Variants in SMO observed in about 807,000 individuals in gnomAD.
The protein encoded by SMO is protein smoothened.
SMO carries 40 observed loss-of-function variants against 81.6 expected under a neutral mutation model. The ratio of observed to expected loss-of-function variants is 0.49; its 90% CI spans 0.38 to 0.64. SMO has a LOEUF of 0.64. Ranked by LOEUF, SMO falls within the 30% of genes least tolerant of loss-of-function variation. SMO has a pLI of 0.00. For synonymous variants in SMO, 434 were observed against 432.1 expected, an observed-to-expected ratio of 1.00 and a Z score of -0.05; for missense variants, 916 against 1,061.1, an observed-to-expected ratio of 0.86 and a Z score of 1.90.
At position 129,210,623 on chromosome 7, in the gene SMO, C is replaced by A. The variant is rs542003601; in HGVS notation, c.1652+75C>A. On this transcript the variant is annotated intron_variant, in intron 9 of 11. Transcript: ENST00000249373. This position sits in a 1 kb window ranked among gnomAD's most constrained non-coding sequence, Gnocchi z 4.7. The stretch of plus-strand genomic sequence containing the variant: ...TTGGGACCCCATCTTTAGGTTTTGT[C>A]GGGTCCTGCCTCTAGCACAGCCTTG... 10 of 1,217,634 alleles carry A rather than the reference C, an allele frequency of 8.2e-6. No individual in the cohort carries two copies. Among genetic ancestry groups the A allele is most frequent in the Middle Eastern group, 2.1e-4 (1 of 4,800 alleles). The allele number at this position is 1,217,634 out of a possible 1,614,324, so 75.4% of individuals were successfully genotyped here.
chr7:129,189,233 C>CG lies in SMO; in HGVS notation c.88dup (p.Ala30GlyfsTer106), dbSNP rs1247591045. On this transcript the variant is annotated frameshift_variant, in exon 1 of 12. Transcript: ENST00000249373. LOFTEE classifies it high-confidence loss of function. This position sits in a 1 kb window ranked among gnomAD's most constrained non-coding sequence, Gnocchi z 4.7. ...GCTGCTGCTGCTGGGGGACCCGGGCCGGGGGGCGGCCTCGAGCGGGAACGC... is the reference window on the plus strand; with the variant it reads ...GCTGCTGCTGCTGGGGGACCCGGGCCGGGGGGGCGGCCTCGAGCGGGAACGC... 1 of 1,190,556 alleles carries CG rather than the reference C, an allele frequency of 8.4e-7. No homozygotes were observed. Among genetic ancestry groups the CG allele is most frequent in the South Asian group, 3.9e-5 (1 of 25,578 alleles). The allele number at this position is 1,190,556 out of a possible 1,614,324, so 73.7% of individuals were successfully genotyped here. A position where few individuals can be genotyped will look rare whatever the true frequency, so the allele number is the denominator to read the frequency against.
Position 129,206,585 on chromosome 7 carries a change from G to C in SMO, c.1262G>C (p.Arg421Pro), listed in dbSNP as rs968935409. 1 of 1,614,148 alleles carries C rather than the reference G, an allele frequency of 6.2e-7. No homozygotes were observed. Among genetic ancestry groups the C allele is most frequent in the South Asian group, 1.1e-5 (1 of 91,072 alleles). ...ATCGTGGGAGGCTACTTCCTCATCC[G>C]AGGTGAGTGAAGACCAGGCCAGGAC... ...VLIVGGYFLI[R>P]GVMTLFSIKS... The change falls in exon 6 of 12, where the codon CGA becomes CCA. Residue 421 changes from arginine (R) to proline (P), a missense_variant and splice_region_variant. Physicochemically the swap from Arg to Pro is moderately radical, Grantham distance 103. This residue lies in a region of SMO where 436 missense variants were observed against 570.9 expected (regional missense o/e 0.76). Coordinates refer to ENST00000249373, the MANE Select transcript of SMO (RefSeq NM_005631.5). This position sits in a 1 kb window ranked among gnomAD's most constrained non-coding sequence, Gnocchi z 4.4.
chr7:129,212,420 C>T lies in SMO; in HGVS notation c.2333C>T (p.Thr778Ile), dbSNP rs756252266. Residue 778 changes from threonine to isoleucine, a missense_variant, in exon 12 of 12, where the codon ACA (threonine) becomes ATA (isoleucine). Physicochemically the swap from Thr to Ile is moderately conservative, Grantham distance 89. Around this residue, in one of 4 missense-constraint regions of SMO, gnomAD observed 324 missense variants for 312.9 expected, o/e 1.04. Coordinates refer to ENST00000249373, the MANE Select transcript of SMO (RefSeq NM_005631.5). The surrounding 1 kb of genome is among the most constrained non-coding windows in gnomAD (Gnocchi z 5.0). ...CACTCCCGCACCAACCTGATGGACACAGAACTCATGGATGCAGACTCGGAC... is the reference window on the plus strand; with the variant it reads ...CACTCCCGCACCAACCTGATGGACATAGAACTCATGGATGCAGACTCGGAC... ...PIHSRTNLMD[T>I]ELMDADSDF 7.4e-6 allele frequency: 12 copies of T among 1,613,480 alleles called. No individual in the cohort carries two copies. Among genetic ancestry groups the T allele is most frequent in the Non-Finnish European group, 1.0e-5 (12 of 1,179,660 alleles).
At chr7:129,204,682 A>T (rs1445622596) in intron 2 of SMO, among the ~76,000 whole-genome samples, 1 of 151,054 alleles carries the variant, frequency 6.6e-6, no homozygotes, top group African/African-American at 2.4e-5. Flanking sequence ...TTATTCATTT[A>T]ACCCTTAAAC....
At position 129,210,310 on chromosome 7, in the gene SMO, AAGAG is replaced by A; in HGVS notation, c.1467-48_1467-45del. On this transcript the variant is annotated intron_variant, in intron 8 of 11. Coordinates refer to ENST00000249373, the MANE Select transcript of SMO (RefSeq NM_005631.5). The surrounding 1 kb of genome is among the most constrained non-coding windows in gnomAD (Gnocchi z 4.7). ...ACAGAGCAAGATCCTATCTCAAAAA[AAGAG>A]AGAGGAAAAGAAAGGAAAGCCTCAC... is the stretch of plus-strand genomic sequence containing the variant. 2.0e-6 allele frequency: 3 copies of A among 1,470,300 alleles called. No individual in the cohort carries two copies. The highest frequency in any genetic ancestry group is 2.9e-6 in the Non-Finnish European group (3 of 1,051,934). 91.1% of individuals were successfully genotyped at this position (1,470,300 alleles called of 1,614,324 possible).
Position 129,206,354 on chromosome 7 carries a change from C to A in SMO, c.1125C>A (p.Ile375=), listed in dbSNP as rs1259349686. 1 of 1,614,190 alleles carries A rather than the reference C, an allele frequency of 6.2e-7. No homozygotes were observed. Among genetic ancestry groups the A allele is most frequent in the Non-Finnish European group, 8.5e-7 (1 of 1,180,024 alleles). Residue 375 remains isoleucine, a synonymous_variant, in exon 5 of 12, where the codon ATC becomes ATA. Coordinates refer to ENST00000249373, the MANE Select transcript of SMO (RefSeq NM_005631.5). The surrounding 1 kb of genome is among the most constrained non-coding windows in gnomAD (Gnocchi z 4.4). ...TCCCCTTTGTCCTCACTGTGGCAAT[C>A]CTTGCTGTGGCGCAGGTATAGTGAC... ...WSLPFVLTVA[I]LAVAQVDGDS...
chr7:129,201,877 C>T (rs1793676146), intron 1 of SMO, among the ~76,000 whole-genome samples: 4 of 152,026 alleles, frequency 2.6e-5, no homozygotes, highest in Non-Finnish European at 5.9e-5. Context: ...GACGGGGTTT[C>T]ACCTTGTTGG....
Position 129,203,433 on chromosome 7 carries a change from T to A in SMO, c.381T>A (p.Cys127Ter), listed in dbSNP as rs2150646560. The A allele has an allele frequency of 6.4e-7, 1 of 1,563,558 alleles. No individual in the cohort carries two copies. Among genetic ancestry groups the A allele is most frequent in the Non-Finnish European group, 8.7e-7 (1 of 1,153,496 alleles). ...GGGCAGTGATCCAGCCCCTGCTGTGTGCCGTATACATGCCCAAGTGTGAGA... is the reference window on the plus strand; with the variant it reads ...GGGCAGTGATCCAGCCCCTGCTGTGAGCCGTATACATGCCCAAGTGTGAGA... ...RCWAVIQPLL[C>*]AVYMPKCEND... Residue 127 changes from cysteine to a stop codon, truncating the protein, a stop_gained, in exon 2 of 12, where the codon TGT becomes TGA. Transcript: ENST00000249373. LOFTEE classifies it high-confidence loss of function.
Position 129,206,244 on chromosome 7 carries a change from TG to T in SMO, c.1017del (p.Trp339CysfsTer48). On this transcript the variant is annotated frameshift_variant, in exon 5 of 12. Coordinates refer to ENST00000249373, the MANE Select transcript of SMO (RefSeq NM_005631.5). LOFTEE classifies it high-confidence loss of function. This position sits in a 1 kb window ranked among gnomAD's most constrained non-coding sequence, Gnocchi z 4.4. ...VVWFVVLTYA[W>X]HTSFKALGTT... ...TTGGTTTGTGGTCCTCACCTATGCC[TG>T]GCACACTTCCTTCAAAGCCCTGGGC... The T allele has an allele frequency of 6.2e-7, 1 of 1,614,194 alleles. No individual in the cohort carries two copies. Among genetic ancestry groups the T allele is most frequent in the Non-Finnish European group, 8.5e-7 (1 of 1,179,998 alleles).
chr7:129,192,711 C>T (rs1202653477), intron 1 of SMO, among the ~76,000 whole-genome samples: 2 of 152,126 alleles, frequency 1.3e-5, no homozygotes, highest in Non-Finnish European at 2.9e-5. Context: ...GGGTTTCAGG[C>T]TTGGATGGAA....
chr7:129,206,811 A>G lies in SMO; in HGVS notation c.1264+224A>G, dbSNP rs1793773720. ...GCCAGAAAAATCCATCCCTCTCTCC[A>G]GGGCCTTGGCCCAGGGCTCACAGCT... On this transcript the variant is annotated intron_variant, in intron 6 of 11. Coordinates refer to ENST00000249373, the MANE Select transcript of SMO (RefSeq NM_005631.5). The surrounding 1 kb of genome is among the most constrained non-coding windows in gnomAD (Gnocchi z 4.4). 6.7e-6 allele frequency among the ~76,000 whole-genome samples: 1 copy of G among 149,196 alleles called. No individual in the cohort carries two copies. The highest frequency in any genetic ancestry group is 2.2e-4 in the South Asian group (1 of 4,598).
chr7:129,198,102 G>GTTTTGT (rs991644406), intron 1 of SMO, among the ~76,000 whole-genome samples: 3 of 151,874 alleles, frequency 2.0e-5, no homozygotes, highest in Admixed American at 6.6e-5. Flanking sequence ...TTAAGCTCAA[G>GTTTTGT]TTTTGTTTTT....
At position 129,189,174 on chromosome 7, in the gene SMO, GGGGGCC is replaced by G; in HGVS notation, c.26_31del (p.Gly9_Pro10del). ...GCCATGGCCGCTGCCCGCCCAGCGC[GGGGGCC>G]GGAGCTCCCGCTCCTGGGGCTGCTG... is the stretch of plus-strand genomic sequence containing the variant. On this transcript the variant is annotated inframe_deletion, in exon 1 of 12. Transcript: ENST00000249373. The surrounding 1 kb of genome is among the most constrained non-coding windows in gnomAD (Gnocchi z 4.7). 1 of 1,177,598 alleles carries G rather than the reference GGGGGCC, an allele frequency of 8.5e-7. No individual in the cohort carries two copies. Among genetic ancestry groups the G allele is most frequent in the Non-Finnish European group, 1.1e-6 (1 of 943,262 alleles). The allele number at this position is 1,177,598 out of a possible 1,614,324, so 72.9% of individuals were successfully genotyped here.
intron 1 of SMO, among the ~76,000 whole-genome samples, chr7:129,198,788 T>C (rs1024582461): frequency 2.6e-5 from 4 of 152,222 alleles, no homozygotes; most frequent in Non-Finnish European, 4.4e-5. Flanking sequence ...GGCTATACCA[T>C]CCAGGTTTGT....
chr7:129,197,370 C>T (rs1793598121), intron 1 of SMO, among the ~76,000 whole-genome samples: 1 of 152,028 alleles, frequency 6.6e-6, no homozygotes, highest in African/African-American at 2.4e-5. Context: ...AGATTAAGAA[C>T]GTTGTCTCTT....
At chr7:129,194,212 A>G (rs1423912700) in intron 1 of SMO, among the ~76,000 whole-genome samples, 1 of 152,110 alleles carries the variant, frequency 6.6e-6, no homozygotes, top group East Asian at 1.9e-4. Context: ...CTTTTTTAAA[A>G]AAAAATTATC....
intron 1 of SMO, among the ~76,000 whole-genome samples, chr7:129,202,820 A>G (rs1640320168): frequency 6.6e-6 from 1 of 152,062 alleles, no homozygotes; most frequent in Admixed American, 6.6e-5. Context: ...AGTTGGGTGC[A>G]CCCCTGAAAA....
intron 2 of SMO, among the ~76,000 whole-genome samples, chr7:129,204,649 C>G (rs1793728780): frequency 6.7e-6 from 1 of 149,446 alleles, no homozygotes; most frequent in Non-Finnish European, 1.5e-5. Flanking sequence ...CTGTCTCTCT[C>G]TTTCTATATA....
At chr7:129,200,389 C>A (rs2703090) in intron 1 of SMO, among the ~76,000 whole-genome samples, 73,056 of 151,910 alleles carry the variant, frequency 0.48, 18,170 homozygotes, top group Non-Finnish European at 0.55. Context: ...TTACTGCACT[C>A]CAGCCTGGGC....
Sources: gnomAD v4.1 joint callset for allele counts (sites outside exome capture counted in the v4.1 genomes callset) on GRCh38, gnomAD v4.1.1 for gene constraint, gnomAD v4.1.1 regional missense constraint, Gnocchi (gnomAD v3.1) non-coding constraint, MANE v1.5 for transcripts, NCBI Gene and HGNC (gene_info 2026-07-23, HGNC 2026-07-21) for gene names.